The following SOS2 variants were observed in gnomAD, a reference collection of about 807,000 sequenced individuals.
SOS2 encodes the protein son of sevenless homolog 2.
SOS2 carries 65 observed loss-of-function variants against 148.2 expected under a neutral mutation model. The observed-to-expected ratio is 0.44, with a 90% confidence interval of 0.36 to 0.54. SOS2 has a LOEUF of 0.54. SOS2 is among the 20% of genes least tolerant of loss of function. SOS2 has a pLI of 0.00. For synonymous variants in SOS2, 539 were observed against 537.1 expected (o/e 1.00, Z -0.05); for missense variants, 1,341 against 1,590.2 (o/e 0.84, Z 2.67).
chr14:50,127,747 G>A (rs1236119636), intron 21 of SOS2, among the ~76,000 whole-genome samples: 1 of 152,174 alleles, frequency 6.6e-6, no homozygotes, highest in Non-Finnish European at 1.5e-5. Context: ...ATCATTGAGA[G>A]AAAGATATTT....
chr14:50,178,671 C>CATATAT (rs1170021476), intron 7 of SOS2, among the ~76,000 whole-genome samples: 195 of 14,332 alleles, frequency 0.014, no homozygotes, highest in Non-Finnish European at 0.018. Context: ...TGTGTGTGTG[C>CATATAT]ATATATATAT....
At chr14:50,215,515 C>T in intron 1 of SOS2, 7 of 1,214,584 alleles carry the variant, frequency 5.8e-6, no homozygotes, top group Non-Finnish European at 7.3e-6. Flanking sequence ...AGAAAAAGAG[C>T]AATTAAAATA....
At chr14:50,225,223 A>C (rs534884615) in intron 1 of SOS2, among the ~76,000 whole-genome samples, 1 of 152,264 alleles carries the variant, frequency 6.6e-6, no homozygotes, top group East Asian at 1.9e-4. Flanking sequence ...CCAAAGTACT[A>C]GGATTACAGG....
rs772202444 is a variant in SOS2, at chr14:50,145,177, G to A, written c.2660C>T (p.Thr887Ile). ...GTTAAGCCTAAAACTTACCTCAAAG[G>A]TATGGTCTAGTCTGTATACTGACAC... ...NSVSVYRLDHTFEALQERKRK... is the reference protein window; with the variant it reads ...NSVSVYRLDHIFEALQERKRK... Residue 887 changes from threonine to isoleucine, a missense_variant, in exon 16 of 23, where the codon ACC (threonine) becomes ATC (isoleucine). Transcript: ENST00000216373. 3 of 1,475,934 alleles carry A rather than the reference G, an allele frequency of 2.0e-6. No homozygotes were observed. The highest frequency in any genetic ancestry group is 1.5e-5 in the South Asian group (1 of 65,690). The allele number at this position is 1,475,934 out of a possible 1,614,324, so 91.4% of individuals were successfully genotyped here.
intron 5 of SOS2, among the ~76,000 whole-genome samples, chr14:50,186,968 A>G (rs577552204): frequency 6.6e-6 from 1 of 152,350 alleles, no homozygotes; most frequent in South Asian, 2.1e-4. Context: ...CGATGTAGTT[A>G]TTTTGTGGAG....
Position 50,117,496 on chromosome 14 carries a change from T to A in SOS2, c.*848A>T, listed in dbSNP as rs923308245. On this transcript the variant is annotated 3_prime_UTR_variant, in exon 23 of 23. Transcript: ENST00000216373. ...TGCCATAGAATTTTTTTTGAATTTA[T>A]GAATTAGTAAAGTAGCAGATTGTAT... 3.9e-5 allele frequency: 6 copies of A among 152,366 alleles called. No homozygotes were observed. In the South Asian group the frequency reaches 1.0e-3, roughly 26 times the overall value. 9.4% of individuals were successfully genotyped at this position (152,366 alleles called of 1,614,324 possible).
At chr14:50,189,093 ACACACACACG>A (rs1566472311) in intron 4 of SOS2, among the ~76,000 whole-genome samples, 2 of 150,560 alleles carry the variant, frequency 1.3e-5, no homozygotes, top group Admixed American at 6.7e-5. Flanking sequence ...ACACACACAC[ACACACACACG>A]CACACACAAA....
chr14:50,151,970 C>T (rs758363484), intron 13 of SOS2, among the ~76,000 whole-genome samples: 31 of 152,032 alleles, frequency 2.0e-4, no homozygotes, highest in Non-Finnish European at 2.9e-4. Context: ...GCAATCAGCC[C>T]GCCTCTGCCT....
intron 16 of SOS2, among the ~76,000 whole-genome samples, chr14:50,140,983 T>C (rs1884258333): frequency 6.6e-6 from 1 of 151,588 alleles, no homozygotes; most frequent in South Asian, 2.1e-4. Context: ...GGCGGGCGGA[T>C]CATGAGGTCA....
At chr14:50,144,302 G>A (rs1352983940) in intron 16 of SOS2, among the ~76,000 whole-genome samples, 2 of 151,368 alleles carry the variant, frequency 1.3e-5, no homozygotes, top group African/African-American at 2.4e-5. Context: ...ATGAGAAAAG[G>A]GCCATAAAAA....
chr14:50,125,376 C>T (rs540623820), intron 21 of SOS2, among the ~76,000 whole-genome samples: 6 of 152,290 alleles, frequency 3.9e-5, no homozygotes, highest in African/African-American at 1.4e-4. Flanking sequence ...GATTTCTGGC[C>T]TTCAGAACTG....
chr14:50,172,567 C>T (rs996071243), intron 8 of SOS2, among the ~76,000 whole-genome samples: 1 of 151,686 alleles, frequency 6.6e-6, no homozygotes, highest in Admixed American at 6.6e-5. Flanking sequence ...ATGATTTTGC[C>T]ATGTTGGCCA....
intron 7 of SOS2, among the ~76,000 whole-genome samples, chr14:50,177,683 CTT>C (rs1257187301): frequency 1.3e-5 from 2 of 152,092 alleles, no homozygotes; most frequent in South Asian, 2.1e-4. Flanking sequence ...ATATTCCTCT[CTT>C]GAAGTAATTT....
chr14:50,149,991 T>C lies in SOS2; in HGVS notation c.2384+17A>G. 6.7e-7 allele frequency: 1 copy of C among 1,488,604 alleles called. No individual in the cohort carries two copies. Among genetic ancestry groups the C allele is most frequent in the Non-Finnish European group, 9.4e-7 (1 of 1,066,478 alleles). The allele number at this position is 1,488,604 out of a possible 1,614,324, so 92.2% of individuals were successfully genotyped here. A position where few individuals can be genotyped will look rare whatever the true frequency, so the allele number is the denominator to read the frequency against. Reference sequence around the variant, plus strand: ...GATTCTTAAAAATAAAGCAAGACATTAACATTAATTGTCTACCTGTAAAGA... The same window carrying C: ...GATTCTTAAAAATAAAGCAAGACATCAACATTAATTGTCTACCTGTAAAGA... On this transcript the variant is annotated intron_variant, in intron 14 of 22. Transcript: ENST00000216373.
intron 1 of SOS2, among the ~76,000 whole-genome samples, chr14:50,223,977 G>C (rs1887276001): frequency 1.3e-5 from 2 of 152,066 alleles, no homozygotes; most frequent in African/African-American, 4.8e-5. Context: ...AGGAGGATGT[G>C]TTAATAGAAA....
At chr14:50,206,741 T>A (rs572419242) in intron 1 of SOS2, among the ~76,000 whole-genome samples, 72 of 149,358 alleles carry the variant, frequency 4.8e-4, no homozygotes, top group African/African-American at 1.6e-3. Context: ...TGAGATTTTT[T>A]AAAAGGTTTT....
At chr14:50,221,698 T>G (rs1003428237) in intron 1 of SOS2, among the ~76,000 whole-genome samples, 1 of 152,120 alleles carries the variant, frequency 6.6e-6, no homozygotes, top group Non-Finnish European at 1.5e-5. Context: ...ATTAGCCAAG[T>G]GTGGTGGCAT....
At chr14:50,185,520 C>T (rs942997954) in intron 5 of SOS2, among the ~76,000 whole-genome samples, 1 of 151,882 alleles carries the variant, frequency 6.6e-6, no homozygotes, top group African/African-American at 2.4e-5. Flanking sequence ...GGCGAAACCC[C>T]GTTTCTACCA....
At chr14:50,133,335 C>T (rs1240944172) in intron 19 of SOS2, among the ~76,000 whole-genome samples, 1 of 148,620 alleles carries the variant, frequency 6.7e-6, no homozygotes, top group Non-Finnish European at 1.5e-5. Flanking sequence ...CAACCTCCGC[C>T]CCCAGGCGTG....
Sources: allele counts gnomAD v4.1 joint callset (sites outside exome capture counted in the v4.1 genomes callset), GRCh38; gene constraint gnomAD v4.1.1; transcripts MANE v1.5; gene names NCBI Gene and HGNC (gene_info 2026-07-23, HGNC 2026-07-21).